PBX3: variants seen among roughly 807,000 people sequenced by gnomAD.
PBX3 encodes the protein PBX homeobox 3, also known as pre-B-cell leukemia transcription factor 3.
A neutral mutation model predicts 48.5 loss-of-function variants in PBX3; 14 were observed. The ratio of observed to expected loss-of-function variants is 0.29; its 90% confidence interval spans 0.19 to 0.45. The LOEUF is 0.45. PBX3 is among the 20% of genes least tolerant of loss of function. PBX3 has a pLI of 1.00. For missense variants in PBX3, 386 were observed against 546.7 expected (o/e 0.71, Z 2.93); for synonymous variants, 210 against 200.3 (o/e 1.05, Z -0.41).
chr9:125,832,705 TATG>T (rs550075648), intron 2 of PBX3, among the ~76,000 whole-genome samples: 80 of 152,360 alleles, frequency 5.3e-4, no homozygotes, highest in African/African-American at 1.7e-3. Flanking sequence ...GATTCTCAGA[TATG>T]ATAGTATTGA....
At chr9:125,949,437 C>T (rs773127835) in intron 5 of PBX3, 15 of 1,550,466 alleles carry the variant, frequency 9.7e-6, no homozygotes, top group Non-Finnish European at 1.1e-5. Context: ...AGCCAACTAG[C>T]GTGGTAAGTA....
intron 2 of PBX3, among the ~76,000 whole-genome samples, chr9:125,801,790 T>TACACACACACAC (rs367989628): frequency 0.067 from 9,732 of 146,164 alleles, 365 homozygotes; most frequent in Middle Eastern, 0.11. Flanking sequence ...TGTATACACA[T>TACACACACACAC]ACACACACAC....
At chr9:125,819,942 C>T (rs1262598383) in intron 2 of PBX3, among the ~76,000 whole-genome samples, 1 of 152,102 alleles carries the variant, frequency 6.6e-6, no homozygotes, top group Non-Finnish European at 1.5e-5. Flanking sequence ...TTTTATTTCA[C>T]ATTCTTGGAG....
intron 2 of PBX3, among the ~76,000 whole-genome samples, chr9:125,840,326 T>C (rs1839254211): frequency 6.6e-6 from 1 of 152,040 alleles, no homozygotes; most frequent in Non-Finnish European, 1.5e-5. Context: ...ATTTATTTAA[T>C]AGTGTTCTTC....
At chr9:125,950,645 C>CT (rs1449227991) in intron 5 of PBX3, among the ~76,000 whole-genome samples, 1 of 152,042 alleles carries the variant, frequency 6.6e-6, no homozygotes, top group Non-Finnish European at 1.5e-5. Context: ...CCATGCCTGG[C>CT]TAATTTTTGT....
At chr9:125,935,240 A>G (rs1183852929) in intron 4 of PBX3, among the ~76,000 whole-genome samples, 1 of 152,220 alleles carries the variant, frequency 6.6e-6, no homozygotes, top group African/African-American at 2.4e-5. Flanking sequence ...AATGAAGCAC[A>G]ATAGTCTGCT....
chr9:125,915,442 G>A lies in PBX3; in HGVS notation c.275-244G>A, dbSNP rs568804907. The stretch of plus-strand genomic sequence containing the variant: ...AGGGTTACCTTTTTCTAAGGATCTA[G>A]TCTGTGGTAAATTGAGGCGGTGGGG... On this transcript the variant is annotated intron_variant, in intron 2 of 8. Transcript: ENST00000373489. Among the ~76,000 whole-genome samples the A allele has an allele frequency of 8.5e-5, 13 of 152,204 alleles. No individual in the cohort carries two copies. In the South Asian group the frequency reaches 2.3e-3, roughly 27 times the overall value.
intron 5 of PBX3, among the ~76,000 whole-genome samples, chr9:125,937,949 C>G (rs1841875481): frequency 6.6e-6 from 1 of 152,192 alleles, no homozygotes; most frequent in Non-Finnish European, 1.5e-5. Context: ...GCATGAACCA[C>G]TACACTTGGC....
rs1043967532 is a variant in PBX3, at chr9:125,911,415, T to C, written c.275-4271T>C. On this transcript the variant is annotated intron_variant, in intron 2 of 8. Transcript: ENST00000373489. ...AAGAAAGCACAGAAAATAAAGTAGGTATTTTTACTAATTAGCTTTGTGACT... is the reference window on the plus strand; with the variant it reads ...AAGAAAGCACAGAAAATAAAGTAGGCATTTTTACTAATTAGCTTTGTGACT... Among the ~76,000 whole-genome samples the C allele has an allele frequency of 5.9e-5, 9 of 152,170 alleles. No homozygotes were observed. The East Asian group carries it at 1.2e-3, about 20-fold the overall frequency.
At chr9:125,849,098 A>C (rs774300800) in intron 2 of PBX3, among the ~76,000 whole-genome samples, 1 of 152,022 alleles carries the variant, frequency 6.6e-6, no homozygotes, top group Non-Finnish European at 1.5e-5. Context: ...GATGTTAATC[A>C]GCTTGCTCCG....
At position 125,967,075 on chromosome 9, in the gene PBX3, T is replaced by C. The variant is rs1320689364; in HGVS notation, c.*1152T>C. 7.0e-6 allele frequency: 1 copy of C among 142,796 alleles called. No individual in the cohort carries two copies. Among genetic ancestry groups the C allele is most frequent in the Non-Finnish European group, 1.5e-5 (1 of 66,944 alleles). The allele number at this position is 142,796 out of a possible 1,614,324, so 8.8% of individuals were successfully genotyped here. On this transcript the variant is annotated 3_prime_UTR_variant, in exon 9 of 9. Coordinates refer to ENST00000373489, the MANE Select transcript of PBX3 (RefSeq NM_006195.6). ...AACATTTTGAATGTTCTTCATCTTA[T>C]TACTAATCCATGCAAAAAAAAAAAA...
At chr9:125,936,955 G>A (rs1045109881) in intron 5 of PBX3, among the ~76,000 whole-genome samples, 2 of 152,164 alleles carry the variant, frequency 1.3e-5, no homozygotes, top group African/African-American at 4.8e-5. Context: ...AGGATTTTAT[G>A]ACGAATGCCT....
In PBX3 at chr9:125,779,976, G is replaced by T. The variant is rs1406651190; in HGVS notation, c.274+31353G>T. Among the ~76,000 whole-genome samples the T allele has an allele frequency of 2.3e-5, 3 of 129,592 alleles. 1 individual carries two copies. In the East Asian group the frequency reaches 9.9e-4, roughly 43 times the overall value. The allele number at this position is 129,592 out of a possible 152,430, so 85.0% of individuals were successfully genotyped here. A position where few individuals can be genotyped will look rare whatever the true frequency, so the allele number is the denominator to read the frequency against. On this transcript the variant is annotated intron_variant, in intron 2 of 8. Transcript: ENST00000373489. ...TCCCTCCCGGACGGGGCGGCTGGCC[G>T]GGCAGAGGGGCTCCTCACTTCCCAG...
chr9:125,893,275 T>C lies in PBX3; in HGVS notation c.275-22411T>C, dbSNP rs549094196. Among the ~76,000 whole-genome samples, 89 of 152,362 alleles carry C rather than the reference T, an allele frequency of 5.8e-4. No homozygotes were observed. In the South Asian group the frequency reaches 0.016, roughly 28 times the overall value. ...CATAAGAATAAGTTGTGACAGTATA[T>C]GTTAATATTTTAACTGTTGCATTTT... On this transcript the variant is annotated intron_variant, in intron 2 of 8. Transcript: ENST00000373489.
chr9:125,866,360 G>A (rs1839980619), intron 2 of PBX3, among the ~76,000 whole-genome samples: 2 of 152,016 alleles, frequency 1.3e-5, no homozygotes, highest in African/African-American at 4.8e-5. Flanking sequence ...TTTTATGGGG[G>A]GTTAGTTTAA....
intron 2 of PBX3, among the ~76,000 whole-genome samples, chr9:125,761,517 T>C (rs1327061646): frequency 6.6e-6 from 1 of 152,074 alleles, no homozygotes; most frequent in African/African-American, 2.4e-5. Flanking sequence ...GCAGGGAGCA[T>C]TTCAGGTGTA....
intron 4 of PBX3, among the ~76,000 whole-genome samples, chr9:125,930,980 T>C (rs1841701300): frequency 6.6e-6 from 1 of 152,242 alleles, no homozygotes; most frequent in African/African-American, 2.4e-5. Context: ...ATTTTATTAT[T>C]CTTTTTTCTA....
intron 4 of PBX3, among the ~76,000 whole-genome samples, chr9:125,933,610 G>A (rs1306263359): frequency 1.3e-5 from 2 of 152,136 alleles, no homozygotes; most frequent in African/African-American, 4.8e-5. Context: ...TAGTGGAATT[G>A]AGTGGAGTGG....
At chr9:125,959,522 T>A (rs1452205345) in intron 5 of PBX3, among the ~76,000 whole-genome samples, 4 of 152,188 alleles carry the variant, frequency 2.6e-5, no homozygotes, top group Non-Finnish European at 5.9e-5. Context: ...GTGCCATAGG[T>A]TGAAGAATGG....
Sources: allele counts gnomAD v4.1 joint callset (sites outside exome capture counted in the v4.1 genomes callset), GRCh38; gene constraint gnomAD v4.1.1; transcripts MANE v1.5; gene names NCBI Gene and HGNC (gene_info 2026-07-23, HGNC 2026-07-21).